TUBB4A: variants seen among roughly 807,000 people sequenced by gnomAD.
TUBB4A encodes the protein tubulin beta 4A class IVa, also known as tubulin beta-4A chain.
Under a neutral mutation model 35.1 loss-of-function variants are expected in TUBB4A, and 13 were observed. The ratio of observed to expected loss-of-function variants is 0.37; its 90% CI spans 0.24 to 0.59. The LOEUF (loss-of-function observed/expected upper bound fraction) is 0.59. Ranked by LOEUF, TUBB4A falls within the 20% of genes least tolerant of loss-of-function variation. TUBB4A has a pLI of 0.71. For synonymous variants in TUBB4A, 279 were observed against 272.4 expected (o/e 1.02, Z -0.24); for missense variants, 299 against 647.2 (o/e 0.46, Z 5.84).
Position 6,494,492 on chromosome 19 carries a change from CAG to C in TUBB4A, c.*670_*671del. ...GAGGATGCATGGGGCCTGTGGGAAT[CAG>C]AGAGAAGCTGGGGTCAGAGGTAGGA... On this transcript the variant is annotated 3_prime_UTR_variant, in exon 4 of 4. Coordinates refer to ENST00000264071, the MANE Select transcript of TUBB4A (RefSeq NM_006087.4). 6.8e-6 allele frequency: 1 copy of C among 147,482 alleles called. No individual in the cohort carries two copies. The highest frequency in any genetic ancestry group is 2.0e-4 in the East Asian group (1 of 5,004). 9.1% of individuals were successfully genotyped at this position (147,482 alleles called of 1,614,324 possible).
In TUBB4A at chr19:6,501,320, C is replaced by G; in HGVS notation, c.244G>C (p.Gly82Arg). ...AAGTTGTCCGGCCGAAAGATCTGAC[C>G]GAAGGGGCCAGAACGGACAGAGTCC... ...TMDSVRSGPF[G>R]QIFRPDNFVF... The change falls in exon 3 of 4, where the codon GGT becomes CGT. Residue 82 changes from glycine (G) to arginine (R), a missense_variant. Transcript: ENST00000264071. This position sits in a 1 kb window ranked among gnomAD's most constrained non-coding sequence, Gnocchi z 4.2. The G allele has an allele frequency of 6.2e-7, 1 of 1,614,096 alleles. No homozygotes were observed. Among genetic ancestry groups the G allele is most frequent in the East Asian group, 2.2e-5 (1 of 44,880 alleles).
At position 6,501,087 on chromosome 19, in the gene TUBB4A, T is replaced by C; in HGVS notation, c.277+200A>G. 1 of 551,808 alleles carries C rather than the reference T, an allele frequency of 1.8e-6. No individual in the cohort carries two copies. Among genetic ancestry groups the C allele is most frequent in the African/African-American group, 1.9e-5 (1 of 53,212 alleles). 34.2% of individuals were successfully genotyped at this position (551,808 alleles called of 1,614,324 possible). A position where few individuals can be genotyped will look rare whatever the true frequency, so the allele number is the denominator to read the frequency against. The stretch of plus-strand genomic sequence containing the variant: ...CCTCCTCCAGGAAGACTTCCCTGAA[T>C]CCTTCTCTGTATCCGCCCTCCTCAG... On this transcript the variant is annotated intron_variant, in intron 3 of 3. Transcript: ENST00000264071. The surrounding 1 kb of genome is among the most constrained non-coding windows in gnomAD (Gnocchi z 4.2).
At chr19:6,499,570 T>G (rs558000206) in intron 3 of TUBB4A, among the ~76,000 whole-genome samples, 17 of 152,258 alleles carry the variant, frequency 1.1e-4, no homozygotes, top group Non-Finnish European at 5.9e-5. Flanking sequence ...CAGGAAAGCT[T>G]TCCCGGAAGG....
intron 3 of TUBB4A, among the ~76,000 whole-genome samples, chr19:6,499,400 G>A (rs936351621): frequency 6.6e-6 from 1 of 151,956 alleles, no homozygotes; most frequent in Non-Finnish European, 1.5e-5. Flanking sequence ...GTGACCTAAC[G>A]TCTCTGTGCC....
Position 6,502,149 on chromosome 19 carries a change from C to A in TUBB4A, c.57+7G>T. On this transcript the variant is annotated splice_region_variant and intron_variant, in intron 1 of 3. Coordinates refer to ENST00000264071, the MANE Select transcript of TUBB4A (RefSeq NM_006087.4). ...CACTGCCTCCCCGGGCCCCGTTCCCCGAGCACCTTGGCCCCGATCTGGTTG... is the reference window on the plus strand; with the variant it reads ...CACTGCCTCCCCGGGCCCCGTTCCCAGAGCACCTTGGCCCCGATCTGGTTG... 1 of 1,568,434 alleles carries A rather than the reference C, an allele frequency of 6.4e-7. No homozygotes were observed.
At chr19:6,502,081 G>T in intron 1 of TUBB4A, 75 bp downstream of exon 1, 3 of 1,445,624 alleles carry the variant, frequency 2.1e-6, no homozygotes, top group South Asian at 2.6e-5. Flanking sequence ...CCCAGGTTGC[G>T]GGGTGCTCCG....
chr19:6,500,307 TTC>T (rs146884433), intron 3 of TUBB4A, among the ~76,000 whole-genome samples: 9,667 of 152,126 alleles, frequency 0.064, 340 homozygotes, highest in Non-Finnish European at 0.086. Context: ...TAAAATTTTT[TTC>T]TTTTTGTAGA....
Position 6,501,104 on chromosome 19 carries a change from C to T in TUBB4A, c.277+183G>A. 1.8e-6 allele frequency: 1 copy of T among 569,202 alleles called. No individual in the cohort carries two copies. Among genetic ancestry groups the T allele is most frequent in the South Asian group, 2.3e-5 (1 of 43,224 alleles). The allele number at this position is 569,202 out of a possible 1,614,324, so 35.3% of individuals were successfully genotyped here. A position where few individuals can be genotyped will look rare whatever the true frequency, so the allele number is the denominator to read the frequency against. On this transcript the variant is annotated intron_variant, in intron 3 of 3. Transcript: ENST00000264071. This position sits in a 1 kb window ranked among gnomAD's most constrained non-coding sequence, Gnocchi z 4.2. ...TCCCTGAATCCTTCTCTGTATCCGC[C>T]CTCCTCAGGGCTCTCACAGTGGCCT...
intron 3 of TUBB4A, chr19:6,500,822 C>G (rs957233724): frequency 1.3e-5 from 2 of 155,024 alleles, no homozygotes; most frequent in African/African-American, 4.8e-5. Context: ...TCTGAATCAA[C>G]CCCTGGCAGA....
rs374020309 is a variant in TUBB4A at position 6,495,199 on chromosome 19, C to T, written c.1300G>A (p.Glu434Lys). 1.9e-5 allele frequency: 31 copies of T among 1,613,970 alleles called. No individual in the cohort carries two copies. Among genetic ancestry groups the T allele is most frequent in the Non-Finnish European group, 2.5e-5 (30 of 1,179,880 alleles). The change falls in exon 4 of 4, where the codon GAG becomes AAG. Residue 434 changes from glutamate (E) to lysine (K), a missense_variant. Physicochemically the swap from Glu to Lys is moderately conservative, Grantham distance 56 (BLOSUM62 1). Coordinates refer to ENST00000264071, the MANE Select transcript of TUBB4A (RefSeq NM_006087.4). The surrounding 1 kb of genome is among the most constrained non-coding windows in gnomAD (Gnocchi z 8.7). ...QYQDATAEEG[E>K]FEEEAEEEVA is the part of the protein sequence containing the mutation. ...TCCTCCTCCGCCTCCTCCTCGAACT[C>T]GCCCTCCTCGGCCGTGGCGTCCTGG... is the stretch of plus-strand genomic sequence containing the variant.
chr19:6,501,159 A>C lies in TUBB4A; in HGVS notation c.277+128T>G. ...ATCCCCTCATCACAGCCCTGGATGCAGGGCTGGTGCCTGGTGCCCTGTCCA... is the reference window on the plus strand; with the variant it reads ...ATCCCCTCATCACAGCCCTGGATGCCGGGCTGGTGCCTGGTGCCCTGTCCA... On this transcript the variant is annotated intron_variant, in intron 3 of 3. Transcript: ENST00000264071. This position sits in a 1 kb window ranked among gnomAD's most constrained non-coding sequence, Gnocchi z 4.2. The C allele has an allele frequency of 1.4e-6, 1 of 699,368 alleles. No individual in the cohort carries two copies. Among genetic ancestry groups the C allele is most frequent in the South Asian group, 1.8e-5 (1 of 54,254 alleles). 43.3% of individuals were successfully genotyped at this position (699,368 alleles called of 1,614,324 possible).
chr19:6,502,629 G>A, upstream of TUBB4A: 1 of 185,876 alleles, frequency 5.4e-6, no homozygotes, highest in Non-Finnish European at 1.1e-5. Context: ...AGGCATCTGA[G>A]AAGTCCTGCC....
intron 3 of TUBB4A, among the ~76,000 whole-genome samples, chr19:6,497,438 C>CT (rs199768043): frequency 6.6e-6 from 1 of 150,414 alleles, no homozygotes; most frequent in Non-Finnish European, 1.5e-5. Flanking sequence ...ATTTTTGTAT[C>CT]TTTTTTTTGT....
chr19:6,496,370 C>G (rs928802692), intron 3 of TUBB4A, 149 bp from the exon 4 acceptor site: 3 of 779,606 alleles, frequency 3.8e-6, no homozygotes, highest in Non-Finnish European at 4.0e-6. Context: ...TGGCTCACAC[C>G]TGTAATCCCA....
rs867572292 is a variant in TUBB4A, at chr19:6,498,777, G to A, written c.277+2510C>T. Among the ~76,000 whole-genome samples the A allele has an allele frequency of 2.0e-5, 3 of 152,172 alleles. No individual in the cohort carries two copies. In the South Asian group the frequency reaches 6.2e-4, roughly 32 times the overall value. On this transcript the variant is annotated intron_variant, in intron 3 of 3. Coordinates refer to ENST00000264071, the MANE Select transcript of TUBB4A (RefSeq NM_006087.4). ...CTGGTGGTTTAGACTGCAGATTCTC[G>A]GGACTGACAAGACAAACTGTGTGAC...
chr19:6,497,428 ATTTTTGTATC>A (rs1210871114), intron 3 of TUBB4A, among the ~76,000 whole-genome samples: 2 of 150,560 alleles, frequency 1.3e-5, no homozygotes, highest in East Asian at 4.0e-4. Context: ...GATCTGGCTA[ATTTTTGTATC>A]TTTTTTTTGT....
rs199608353 is a variant in TUBB4A at position 6,495,557 on chromosome 19, G to A, written c.942C>T (p.Ala314=). The A allele has an allele frequency of 1.8e-5, 29 of 1,613,944 alleles. No homozygotes were observed. Among genetic ancestry groups the A allele is most frequent in the South Asian group, 3.3e-5 (3 of 91,080 alleles). The part of the protein sequence containing the change: ...DPRHGRYLTV[A]AVFRGRMSMK... The stretch of plus-strand genomic sequence containing the variant: ...TGGACATGCGGCCCCGGAACACGGC[G>A]GCCACGGTCAGGTAGCGGCCGTGGC... Residue 314 remains alanine (A), a synonymous_variant, in exon 4 of 4, where the codon GCC becomes GCT. Coordinates refer to ENST00000264071, the MANE Select transcript of TUBB4A (RefSeq NM_006087.4). The surrounding 1 kb of genome is among the most constrained non-coding windows in gnomAD (Gnocchi z 8.7).
At chr19:6,496,323 GTA>G in intron 3 of TUBB4A, 102 bp from the exon 4 acceptor site, 2 of 1,119,392 alleles carry the variant, frequency 1.8e-6, no homozygotes, top group Non-Finnish European at 2.5e-6. Context: ...TTGAATACTA[GTA>G]ACTATCAAAA....
intron 3 of TUBB4A, among the ~76,000 whole-genome samples, chr19:6,497,018 A>ATATATAT: frequency 2.1e-5 from 1 of 47,034 alleles, no homozygotes; most frequent in Non-Finnish European, 4.0e-5. Flanking sequence ...AAAAAAAAAA[A>ATATATAT]AAAAAAATAT....
Sources: gnomAD v4.1 joint callset for allele counts (sites outside exome capture counted in the v4.1 genomes callset) on GRCh38, gnomAD v4.1.1 for gene constraint, Gnocchi (gnomAD v3.1) non-coding constraint, MANE v1.5 for transcripts, NCBI Gene and HGNC (gene_info 2026-07-23, HGNC 2026-07-21) for gene names.